TNRC6C: variants seen among roughly 807,000 people sequenced by gnomAD.
TNRC6C encodes the protein trinucleotide repeat containing adaptor 6C.
Under a neutral mutation model 153.7 loss-of-function variants are expected in TNRC6C, and 20 were observed. The ratio of observed to expected loss-of-function variants is 0.13; its 90% CI spans 0.09 to 0.19. The LOEUF is 0.19. TNRC6C is among the 10% of genes least tolerant of loss of function. The pLI is 1.00. For synonymous variants in TNRC6C, 811 were observed against 841.4 expected, an observed-to-expected ratio of 0.96 and a Z score of 0.63; for missense variants, 1,987 against 2,172.0, an observed-to-expected ratio of 0.91 and a Z score of 1.69.
intron 1 of TNRC6C, among the ~76,000 whole-genome samples, chr17:78,006,557 TCTTC>T (rs1433847713): frequency 1.3e-3 from 180 of 138,712 alleles, no homozygotes; most frequent in Admixed American, 2.6e-3. Flanking sequence ...TTCTTCTTCT[TCTTC>T]CTTCTTCCTT....
intron 16 of TNRC6C, among the ~76,000 whole-genome samples, chr17:78,095,511 G>C (rs534035951): frequency 1.3e-5 from 2 of 152,170 alleles, no homozygotes; most frequent in African/African-American, 4.8e-5. Flanking sequence ...TTGACTTCCC[G>C]GGTGCTCGAC....
chr17:78,055,805 C>T (rs1237080400), intron 3 of TNRC6C, among the ~76,000 whole-genome samples: 1 of 152,138 alleles, frequency 6.6e-6, no homozygotes, highest in East Asian at 1.9e-4. Flanking sequence ...TGGATTTTTA[C>T]AGCTCCTTGG....
chr17:77,974,258 A>G (rs1259815092), intron 1 of TNRC6C, among the ~76,000 whole-genome samples: 1 of 152,116 alleles, frequency 6.6e-6, no homozygotes, highest in African/African-American at 2.4e-5. Flanking sequence ...TTCAATACAC[A>G]TGTCACCAAA....
upstream of TNRC6C, among the ~76,000 whole-genome samples, chr17:78,001,527 A>G (rs992344806): frequency 2.6e-5 from 4 of 152,226 alleles, no homozygotes; most frequent in African/African-American, 9.6e-5. Flanking sequence ...ACCATGGTAC[A>G]TTATGGAGCC....
intron 3 of TNRC6C, among the ~76,000 whole-genome samples, chr17:78,059,434 A>G (rs186202819): frequency 4.6e-5 from 7 of 152,286 alleles, no homozygotes; most frequent in Admixed American, 1.3e-4. Flanking sequence ...CCTGCTACGG[A>G]AGTAGGAAGA....
intron 2 of TNRC6C, among the ~76,000 whole-genome samples, chr17:78,043,126 A>G (rs757785094): frequency 2.5e-4 from 38 of 152,206 alleles, no homozygotes; most frequent in Admixed American, 5.9e-4. Flanking sequence ...GAGCAGCTGA[A>G]GTATGGAAAA....
chr17:78,089,520 A>G (rs2073357744), intron 13 of TNRC6C, among the ~76,000 whole-genome samples: 1 of 152,186 alleles, frequency 6.6e-6, no homozygotes, highest in African/African-American at 2.4e-5. Flanking sequence ...TCATCAATTC[A>G]TGTAAAGAAA....
Position 78,049,931 on chromosome 17 carries a change from A to G in TNRC6C, c.869A>G (p.Lys290Arg). 1 of 1,614,058 alleles carries G rather than the reference A, an allele frequency of 6.2e-7. No individual in the cohort carries two copies. ...AATGGATCCAGCAGTGCTGTGCAAA[A>G]GGAAGGAAGTGGAGGAAATGCTTGG... The change falls in exon 3 of 20, where the codon AAG becomes AGG. Residue 290 changes from lysine (K) to arginine (R), a missense_variant. By Grantham distance (26) the Lys-to-Arg change is conservative (BLOSUM62 2). Transcript: ENST00000301624. The surrounding 1 kb of genome is among the most constrained non-coding windows in gnomAD (Gnocchi z 4.1).
intron 1 of TNRC6C, among the ~76,000 whole-genome samples, chr17:77,984,681 T>C (rs1159813790): frequency 6.6e-6 from 1 of 152,176 alleles, no homozygotes. Flanking sequence ...TTTCTCTGCC[T>C]CCCAGTAGGG....
intron 7 of TNRC6C, among the ~76,000 whole-genome samples, chr17:78,073,546 C>G (rs936531584): frequency 3.9e-5 from 6 of 152,156 alleles, no homozygotes; most frequent in Admixed American, 3.9e-4. Flanking sequence ...AGTTCTAGAG[C>G]TGCTTTAATA....
intron 1 of TNRC6C, among the ~76,000 whole-genome samples, chr17:77,991,598 T>C (rs1041085094): frequency 1.3e-5 from 2 of 152,234 alleles, no homozygotes; most frequent in African/African-American, 4.8e-5. Context: ...AAACAAACTT[T>C]GAACAAGGAT....
exon 9 of TNRC6C, chr17:78,077,316 C>T: frequency 6.3e-7 from 1 of 1,576,832 alleles, no homozygotes; most frequent in Non-Finnish European, 8.6e-7. Flanking sequence ...GCATGCAAAA[C>T]TTGAATTCTT....
chr17:78,072,884 A>G (rs1477120192), intron 6 of TNRC6C, among the ~76,000 whole-genome samples, 153 bp from the exon 9 acceptor site: 1 of 152,222 alleles, frequency 6.6e-6, no homozygotes, highest in Admixed American at 6.5e-5. Context: ...TTTTAATTCA[A>G]AAGACATTGT....
intron 1 of TNRC6C, among the ~76,000 whole-genome samples, chr17:77,979,898 A>G (rs930350577): frequency 6.6e-6 from 1 of 152,252 alleles, no homozygotes; most frequent in Non-Finnish European, 1.5e-5. Context: ...TGGAAATCAA[A>G]ATACAGTGGA....
At position 78,049,297 on chromosome 17, in the gene TNRC6C, G is replaced by A. The variant is rs374814954; in HGVS notation, c.235G>A (p.Gly79Arg). 1.4e-5 allele frequency: 23 copies of A among 1,613,710 alleles called. No individual in the cohort carries two copies. The Middle Eastern group carries it at 8.2e-4, about 58-fold the overall frequency. The change falls in exon 3 of 20, where the codon GGA (glycine) becomes AGA (arginine). Residue 79 changes from glycine to arginine, a missense_variant. Physicochemically the swap from Gly to Arg is moderately radical, Grantham distance 125. Around this residue, in one of 4 missense-constraint regions of TNRC6C, gnomAD observed 1,052 missense variants for 1,017.0 expected, o/e 1.03. Transcript: ENST00000301624. This position sits in a 1 kb window ranked among gnomAD's most constrained non-coding sequence, Gnocchi z 4.1. Reference sequence around the variant, plus strand: ...GGATGGAAAAATGGACACTATGATTGGAGATGGGAGAAGTCAGAATTGCTG... The same window carrying A: ...GGATGGAAAAATGGACACTATGATTAGAGATGGGAGAAGTCAGAATTGCTG...
rs529474446 is a variant in TNRC6C, at chr17:78,082,911, T to C, written c.3358-136T>C. 108 of 1,021,720 alleles carry C rather than the reference T, an allele frequency of 1.1e-4. No homozygotes were observed. The South Asian group carries it at 1.7e-3, about 16-fold the overall frequency. 63.3% of individuals were successfully genotyped at this position (1,021,720 alleles called of 1,614,324 possible). A position where few individuals can be genotyped will look rare whatever the true frequency, so the allele number is the denominator to read the frequency against. ...ACAATAATCAGGAGCATTTCATCTTTTATTCCATAGCAGTAGTTTCAGGGG... is the reference window on the plus strand; with the variant it reads ...ACAATAATCAGGAGCATTTCATCTTCTATTCCATAGCAGTAGTTTCAGGGG... On this transcript the variant is annotated intron_variant, in intron 10 of 19. Coordinates refer to ENST00000301624, the Ensembl canonical transcript of TNRC6C.
At chr17:78,006,491 CTTTCTTCTTCTTCTTCTTCTT>C (rs1567910732) in intron 1 of TNRC6C, among the ~76,000 whole-genome samples, 2 of 134,810 alleles carry the variant, frequency 1.5e-5, no homozygotes, top group African/African-American at 5.6e-5. Flanking sequence ...TCTTCTTCTT[CTTTCTTCTTCTTCTTCTTCTT>C]CTTCTTCTTC....
chr17:78,055,913 A>G (rs1407101907), intron 3 of TNRC6C, among the ~76,000 whole-genome samples: 2 of 152,206 alleles, frequency 1.3e-5, no homozygotes, highest in African/African-American at 2.4e-5. Flanking sequence ...AATATATACC[A>G]TGACCTGCTG....
At chr17:78,092,946 A>G in exon 15 of TNRC6C, 1 of 1,613,736 alleles carries the variant, frequency 6.2e-7, no homozygotes, top group Non-Finnish European at 8.5e-7. Context: ...CTATCCCTGG[A>G]GGTCTAAGCA....
Sources: allele counts gnomAD v4.1 joint callset (sites outside exome capture counted in the v4.1 genomes callset), GRCh38; gene constraint gnomAD v4.1.1; regional missense constraint gnomAD v4.1.1; non-coding constraint Gnocchi (gnomAD v3.1); transcripts MANE v1.5; gene names NCBI Gene and HGNC (gene_info 2026-07-23, HGNC 2026-07-21).